The following DKC1 variants were observed in gnomAD, a reference collection of about 807,000 sequenced individuals.
DKC1 encodes H/ACA ribonucleoprotein complex subunit DKC1.
Under a neutral mutation model 46.7 loss-of-function variants are expected in DKC1, and 4 were observed. The ratio of observed to expected loss-of-function variants is 0.09; its 90% CI spans 0.04 to 0.20. DKC1 has a LOEUF of 0.20. Ranked by LOEUF, DKC1 falls within the 10% of genes least tolerant of loss-of-function variation. DKC1 has a pLI of 1.00. For synonymous variants in DKC1, 141 were observed against 142.4 expected (o/e 0.99, Z 0.07); for missense variants, 171 against 404.2 (o/e 0.42, Z 4.95).
rs781934648 is a variant in DKC1 at position 154,769,147 on chromosome X, C to T, written c.772-20C>T. ...AGATACAAATAAACTGAATTATTTT[C>T]ATACATGGCTGCTTTTCAGGACCAC... On this transcript the variant is annotated intron_variant, in intron 8 of 14. Coordinates refer to ENST00000369550, the MANE Select transcript of DKC1 (RefSeq NM_001363.5). 2.5e-6 allele frequency: 3 copies of T among 1,207,999 alleles called. No individual in the cohort carries two copies. Among genetic ancestry groups the T allele is most frequent in the Non-Finnish European group, 2.2e-6 (2 of 892,943 alleles).
intron 5 of DKC1, 150 bp downstream of exon 5, chrX:154,766,550 C>G: frequency 1.8e-6 from 1 of 560,413 alleles, no homozygotes; most frequent in Non-Finnish European, 2.8e-6. Flanking sequence ...TACGTTCTGT[C>G]CCCTGCCAGA....
intron 12 of DKC1, 142 bp from the exon 13 acceptor site, chrX:154,775,053 C>A: frequency 1.6e-6 from 1 of 630,914 alleles, no homozygotes; most frequent in East Asian, 3.2e-5. Context: ...GGGAGTCAGT[C>A]TGCAACAGTA....
rs782028472 is a variant in DKC1, at chrX:154,765,403, G to A, written c.85-41G>A. On this transcript the variant is annotated intron_variant, in intron 2 of 14. Transcript: ENST00000369550. Reference sequence around the variant, plus strand: ...GGCAGTAATGGAATTGTTCAAAATCGGGTGGGAAGTTTAATAGGTTATATT... The same window carrying A: ...GGCAGTAATGGAATTGTTCAAAATCAGGTGGGAAGTTTAATAGGTTATATT... 5 of 1,049,597 alleles carry A rather than the reference G, an allele frequency of 4.8e-6. No homozygotes were observed. The East Asian group carries it at 1.5e-4, about 32-fold the overall frequency. 86.5% of individuals were successfully genotyped at this position (1,049,597 alleles called of 1,213,427 possible). A position where few individuals can be genotyped will look rare whatever the true frequency, so the allele number is the denominator to read the frequency against.
intron 12 of DKC1, chrX:154,774,993 C>T (rs782768100): frequency 3.4e-6 from 2 of 583,375 alleles, no homozygotes; most frequent in East Asian, 6.5e-5. Context: ...GGGTGTGGGC[C>T]TGCACGGCAG....
intron 7 of DKC1, chrX:154,768,097 G>GC: frequency 6.7e-6 from 3 of 451,084 alleles, no homozygotes; most frequent in Non-Finnish European, 1.2e-5. Context: ...TGATCCACCC[G>GC]CCTCTGCCTC....
intron 7 of DKC1, among the ~76,000 whole-genome samples, chrX:154,767,843 CTTTTTTTTTT>C (rs35184460): frequency 6.0e-4 from 39 of 65,173 alleles, no homozygotes; most frequent in African/African-American, 2.6e-3. Context: ...AATTACAGAT[CTTTTTTTTTT>C]TTTTTTTTTT....
At chrX:154,772,444 A>T (rs782321145) in intron 10 of DKC1, among the ~76,000 whole-genome samples, 2 of 111,999 alleles carry the variant, frequency 1.8e-5, no homozygotes, top group Non-Finnish European at 1.9e-5. Context: ...CCATTGGTTT[A>T]TGTGCCTGTT....
chrX:154,776,694 G>A (rs1178267392), intron 14 of DKC1, 105 bp from the exon 15 acceptor site: 6 of 857,750 alleles, frequency 7.0e-6, no homozygotes, highest in Non-Finnish European at 1.0e-5. Context: ...TACAGGTCCT[G>A]AAAAAGGCTT....
chrX:154,766,055 A>T (rs2071741689), intron 4 of DKC1, 57 bp downstream of exon 4: 1 of 1,052,600 alleles, frequency 9.5e-7, no homozygotes, highest in African/African-American at 1.8e-5. Flanking sequence ...ATGCTTTCAC[A>T]TCAGCTATTC....
intron 10 of DKC1, among the ~76,000 whole-genome samples, chrX:154,771,702 T>C (rs2148514314): frequency 8.9e-6 from 1 of 112,035 alleles, no homozygotes; most frequent in Non-Finnish European, 1.9e-5. Context: ...ATCCATGTTG[T>C]TGGAAATGAC....
chrX:154,763,987 C>T (rs1383766978), intron 1 of DKC1, among the ~76,000 whole-genome samples: 3 of 110,106 alleles, frequency 2.7e-5, no homozygotes, highest in Non-Finnish European at 3.8e-5. Flanking sequence ...GGTGAAACCC[C>T]GTCTCTACTA....
At chrX:154,766,177 G>C in intron 4 of DKC1, 39 bp from the exon 5 acceptor site, 1 of 1,166,849 alleles carries the variant, frequency 8.6e-7, no homozygotes, top group Non-Finnish European at 1.2e-6. Context: ...GGAGCATTAA[G>C]AGTGGGTGAT....
At chrX:154,770,711 G>A (rs782278382) in intron 9 of DKC1, 48 bp from the exon 10 acceptor site, 2 of 1,208,131 alleles carry the variant, frequency 1.7e-6, no homozygotes, top group East Asian at 3.0e-5. Context: ...GTGGGAGTGG[G>A]GTGGAGGGCA....
intron 11 of DKC1, among the ~76,000 whole-genome samples, chrX:154,773,921 G>A (rs1049728007): frequency 1.4e-4 from 16 of 110,771 alleles, no homozygotes; most frequent in Non-Finnish European, 2.9e-4. Context: ...GCGGCTGGCC[G>A]GGCGGGGGGG....
rs1339704576 is a variant in DKC1, at chrX:154,776,226, C to T, written c.1378C>T (p.Pro460Ser). 1 of 1,210,120 alleles carries T rather than the reference C, an allele frequency of 8.3e-7. No homozygotes were observed. The highest frequency in any genetic ancestry group is 1.1e-6 in the Non-Finnish European group (1 of 894,953). Residue 460 changes from proline (P) to serine (S), a missense_variant, in exon 14 of 15, where the codon CCA becomes TCA. Coordinates refer to ENST00000369550, the MANE Select transcript of DKC1 (RefSeq NM_001363.5). ...ESESESDETP[P>S]AAPQLIKKEK... The stretch of plus-strand genomic sequence containing the variant: ...TGAGAGTGAAAGTGACGAGACTCCT[C>T]CAGCAGCTCCTCAGTTGATCAAGAA...
chrX:154,776,097 T>C lies in DKC1; in HGVS notation c.1339-90T>C, dbSNP rs1041893868. On this transcript the variant is annotated intron_variant, in intron 13 of 14. Coordinates refer to ENST00000369550, the MANE Select transcript of DKC1 (RefSeq NM_001363.5). ...TCCTGTTAGATTCAGTTGGGATCTT[T>C]CTTGGTGCCTTGCTACCTTTTGACT... 40 of 1,110,493 alleles carry C rather than the reference T, an allele frequency of 3.6e-5. No individual in the cohort carries two copies. The East Asian group carries it at 1.2e-3, about 33-fold the overall frequency. 91.5% of individuals were successfully genotyped at this position (1,110,493 alleles called of 1,213,427 possible).
chrX:154,770,234 C>G (rs1015989977), intron 9 of DKC1, among the ~76,000 whole-genome samples: 1 of 110,037 alleles, frequency 9.1e-6, no homozygotes, highest in Non-Finnish European at 1.9e-5. Flanking sequence ...TTTGGGAGGC[C>G]GGGCCAGGCA....
chrX:154,775,344 T>C lies in DKC1; in HGVS notation c.1338+71T>C, dbSNP rs2071883189. 8.7e-6 allele frequency: 9 copies of C among 1,031,334 alleles called. No homozygotes were observed. The East Asian group carries it at 2.7e-4, about 31-fold the overall frequency. 85.0% of individuals were successfully genotyped at this position (1,031,334 alleles called of 1,213,427 possible). A position where few individuals can be genotyped will look rare whatever the true frequency, so the allele number is the denominator to read the frequency against. On this transcript the variant is annotated intron_variant, in intron 13 of 14. Coordinates refer to ENST00000369550, the MANE Select transcript of DKC1 (RefSeq NM_001363.5). ...ATCCTAAGAGGCACTGGCATTCGTC[T>C]TACTTTGTGACTGTCCGCAGTCCAG...
intron 12 of DKC1, 139 bp from the exon 13 acceptor site, chrX:154,775,056 C>T (rs369423521): frequency 3.0e-5 from 19 of 636,994 alleles, no homozygotes; most frequent in African/African-American, 4.3e-5. Flanking sequence ...AGTCAGTCTG[C>T]AACAGTAAGT....
Sources: gnomAD v4.1 joint callset for allele counts (sites outside exome capture counted in the v4.1 genomes callset) on GRCh38, gnomAD v4.1.1 for gene constraint, MANE v1.5 for transcripts, NCBI Gene and HGNC (gene_info 2026-07-23, HGNC 2026-07-21) for gene names.